Variants in ACSL3 observed in about 807,000 individuals in gnomAD.
ACSL3 encodes acyl-CoA synthetase long chain family member 3.
ACSL3 carries 34 observed loss-of-function variants against 84.7 expected under a neutral mutation model. The ratio of observed to expected loss-of-function variants is 0.40; its 90% CI spans 0.31 to 0.53. The LOEUF (loss-of-function observed/expected upper bound fraction) is 0.53. ACSL3 is among the 20% of genes least tolerant of loss of function. The pLI is 0.48. For missense variants in ACSL3, 680 were observed against 873.1 expected (o/e 0.78, Z 2.79); for synonymous variants, 315 against 299.4 (o/e 1.05, Z -0.54).
At chr2:222,892,504 G>C (rs982782843) in intron 2 of ACSL3, among the ~76,000 whole-genome samples, 5 of 152,066 alleles carry the variant, frequency 3.3e-5, no homozygotes, top group Admixed American at 1.3e-4. Context: ...ATTCTGGGTA[G>C]GAAATAGTTC....
intron 1 of ACSL3, among the ~76,000 whole-genome samples, chr2:222,865,146 T>A (rs900107037): frequency 6.6e-6 from 1 of 152,236 alleles, no homozygotes. Flanking sequence ...ATTTTTGGTT[T>A]CATTAGAAAA....
chr2:222,927,096 A>G lies in ACSL3; in HGVS notation c.1372A>G (p.Thr458Ala), dbSNP rs200008270. ...GTGTGGTGGCGCTCCACTTTCTGCA[A>G]CCACGCAGCGATTCATGAACATCTG... ...LLCGGAPLSA[T>A]TQRFMNICFC... Residue 458 changes from threonine (T) to alanine (A), a missense_variant, in exon 12 of 17, where the codon ACC becomes GCC. By Grantham distance (58) the Thr-to-Ala change is moderately conservative. Coordinates refer to ENST00000357430, the MANE Select transcript of ACSL3 (RefSeq NM_004457.5). 150 of 1,614,054 alleles carry G rather than the reference A, an allele frequency of 9.3e-5. No homozygotes were observed. Among genetic ancestry groups the G allele is most frequent in the Non-Finnish European group, 8.1e-5 (96 of 1,180,014 alleles).
Position 222,920,986 on chromosome 2 carries a change from A to G in ACSL3, c.806-294A>G, listed in dbSNP as rs146913381. On this transcript the variant is annotated intron_variant, in intron 7 of 16. Coordinates refer to ENST00000357430, the MANE Select transcript of ACSL3 (RefSeq NM_004457.5). Reference sequence around the variant, plus strand: ...TCAGGCCTTTGCTAAACGAAACTCTACAGAGACGGTCTCCAGGCTTTTCCA... The same window carrying G: ...TCAGGCCTTTGCTAAACGAAACTCTGCAGAGACGGTCTCCAGGCTTTTCCA... 27 of 520,774 alleles carry G rather than the reference A, an allele frequency of 5.2e-5. No homozygotes were observed. The East Asian group carries it at 1.3e-3, about 25-fold the overall frequency. The allele number at this position is 520,774 out of a possible 1,614,324, so 32.3% of individuals were successfully genotyped here.
At chr2:222,924,711 CAAGAGAACTCTTTA>C in intron 11 of ACSL3, 116 bp downstream of exon 11, 1 of 1,189,756 alleles carries the variant, frequency 8.4e-7, no homozygotes, top group Non-Finnish European at 1.1e-6. Flanking sequence ...TTCATAAAGT[CAAGAGAACTCTTTA>C]AAAAAAATCC....
chr2:222,873,397 A>G (rs939454735), intron 1 of ACSL3, among the ~76,000 whole-genome samples: 4 of 152,156 alleles, frequency 2.6e-5, no homozygotes, highest in African/African-American at 7.2e-5. Flanking sequence ...TTACTATTCA[A>G]TTTCTTGTTT....
At chr2:222,906,977 C>T (rs187352790) in intron 3 of ACSL3, among the ~76,000 whole-genome samples, 55 of 152,314 alleles carry the variant, frequency 3.6e-4, no homozygotes, top group African/African-American at 1.3e-3. Context: ...TAAATATAGT[C>T]GGTCTTAGAA....
chr2:222,922,674 GA>G, intron 8 of ACSL3, 33 bp from the exon 9 acceptor site: 3 of 1,612,430 alleles, frequency 1.9e-6, no homozygotes, highest in Non-Finnish European at 2.5e-6. Flanking sequence ...GACGACACCT[GA>G]CTTTTGTTTC....
intron 3 of ACSL3, 59 bp from the exon 4 acceptor site, chr2:222,908,674 T>C (rs1171317027): frequency 8.0e-7 from 1 of 1,245,298 alleles, no homozygotes; most frequent in Non-Finnish European, 1.1e-6. Flanking sequence ...CGATGTAACT[T>C]TTCTTTAAAT....
intron 4 of ACSL3, among the ~76,000 whole-genome samples, chr2:222,915,754 C>T (rs1696565225): frequency 3.9e-5 from 6 of 152,170 alleles, no homozygotes; most frequent in Admixed American, 3.3e-4. Context: ...GTTATGTAAA[C>T]AGAAACTTGT....
intron 1 of ACSL3, among the ~76,000 whole-genome samples, chr2:222,865,444 T>C (rs893921423): frequency 2.0e-5 from 3 of 152,244 alleles, no homozygotes; most frequent in African/African-American, 7.2e-5. Context: ...TTCATGTATT[T>C]ACTTAGTGTC....
chr2:222,882,033 T>C (rs1052770632), intron 1 of ACSL3, among the ~76,000 whole-genome samples: 2 of 152,218 alleles, frequency 1.3e-5, no homozygotes, highest in East Asian at 3.8e-4. Flanking sequence ...TTTAAAGAGA[T>C]TGTCCTATGT....
rs1306802643 is a variant in ACSL3, at chr2:222,930,598, TAACTC to T, written c.1541-20_1541-16del. On this transcript the variant is annotated intron_variant, in intron 13 of 16. Coordinates refer to ENST00000357430, the MANE Select transcript of ACSL3 (RefSeq NM_004457.5). ...CATGTGTTGTATTTAACTCAACTAT[TAACTC>T]AATTATTATTTTATTAGGTGGATAC... is the stretch of plus-strand genomic sequence containing the variant. 3.2e-6 allele frequency: 5 copies of T among 1,545,126 alleles called. 1 individual carries two copies. In the South Asian group the frequency reaches 3.7e-5, roughly 11 times the overall value.
At chr2:222,917,940 A>G in intron 5 of ACSL3, 106 bp from the exon 6 acceptor site, 1 of 741,096 alleles carries the variant, frequency 1.3e-6, no homozygotes. Context: ...TGGATTTAAC[A>G]GTTTAGGGCT....
rs554989874 is a variant in ACSL3, at chr2:222,887,326, T to C, written c.-206-504T>C. Among the ~76,000 whole-genome samples, 22 of 152,370 alleles carry C rather than the reference T, an allele frequency of 1.4e-4. No homozygotes were observed. The East Asian group carries it at 2.7e-3, about 19-fold the overall frequency. On this transcript the variant is annotated intron_variant, in intron 1 of 16. Coordinates refer to ENST00000357430, the MANE Select transcript of ACSL3 (RefSeq NM_004457.5). ...ACCACAGTTTATATATCCATTACTT[T>C]GTTGAAAGATATGTTGATTGCTTCC...
At chr2:222,881,427 T>C (rs1027743759) in intron 1 of ACSL3, among the ~76,000 whole-genome samples, 8 of 152,260 alleles carry the variant, frequency 5.3e-5, no homozygotes, top group South Asian at 2.1e-4. Flanking sequence ...TGATGTTTAA[T>C]GTTGATTTCT....
chr2:222,933,194 G>A lies in ACSL3; in HGVS notation c.1761G>A (p.Gln587=). The A allele has an allele frequency of 6.2e-7, 1 of 1,613,742 alleles. No homozygotes were observed. The highest frequency in any genetic ancestry group is 1.3e-5 in the African/African-American group (1 of 75,032). The change falls in exon 15 of 17, where the codon CAG becomes CAA. Residue 587 remains glutamine (Q), a synonymous_variant. Coordinates refer to ENST00000357430, the MANE Select transcript of ACSL3 (RefSeq NM_004457.5). ...GTAAAAAGGACCTTGTAAAACTACA[G>A]GCAGGGGAATATGTTTCTCTTGGGA... ...IDRKKDLVKL[Q]AGEYVSLGKV...
chr2:222,922,042 G>A (rs1474832488), intron 8 of ACSL3, among the ~76,000 whole-genome samples: 1 of 152,100 alleles, frequency 6.6e-6, no homozygotes, highest in South Asian at 2.1e-4. Context: ...CTGAACTTGG[G>A]GATGGAGGAA....
At chr2:222,883,698 GTTCTTTTTTTC>G (rs1695650083) in intron 1 of ACSL3, among the ~76,000 whole-genome samples, 1 of 25,014 alleles carries the variant, frequency 4.0e-5, no homozygotes, top group African/African-American at 3.2e-4. Flanking sequence ...TTGCCTCTTT[GTTCTTTTTTTC>G]TATTTCTGGA....
rs376987836 is a variant in ACSL3, at chr2:222,942,332, G to T, written c.*678G>T. The stretch of plus-strand genomic sequence containing the variant: ...GCATGAAACAAAATAGCAAGAGAGG[G>T]TTATAGTTTAATAGTAAGGGAGATA... On this transcript the variant is annotated 3_prime_UTR_variant, in exon 17 of 17. Coordinates refer to ENST00000357430, the MANE Select transcript of ACSL3 (RefSeq NM_004457.5). 2 of 188,436 alleles carry T rather than the reference G, an allele frequency of 1.1e-5. No homozygotes were observed. The highest frequency in any genetic ancestry group is 2.3e-5 in the African/African-American group (1 of 42,872). The allele number at this position is 188,436 out of a possible 1,614,324, so 11.7% of individuals were successfully genotyped here.
Sources: allele counts gnomAD v4.1 joint callset (sites outside exome capture counted in the v4.1 genomes callset), GRCh38; gene constraint gnomAD v4.1.1; transcripts MANE v1.5; gene names NCBI Gene and HGNC (gene_info 2026-07-23, HGNC 2026-07-21).